The following PFDN1 variants were observed in gnomAD, a reference collection of about 807,000 sequenced individuals.
PFDN1 encodes prefoldin subunit 1.
PFDN1 carries 6 observed loss-of-function variants against 17.3 expected under a neutral mutation model. The observed-to-expected ratio is 0.35, with a 90% CI of 0.19 to 0.69. The LOEUF (loss-of-function observed/expected upper bound fraction) is 0.69. PFDN1 is among the 30% of genes least tolerant of loss of function. The pLI is 0.65. For missense variants in PFDN1, 113 were observed against 146.2 expected (o/e 0.77, Z 1.17); for synonymous variants, 58 against 50.1 (o/e 1.16, Z -0.67).
At chr5:140,294,583 C>A (rs1263604891) in intron 2 of PFDN1, among the ~76,000 whole-genome samples, 1 of 152,020 alleles carries the variant, frequency 6.6e-6, no homozygotes, top group Admixed American at 6.6e-5. Context: ...CTAAGAAATA[C>A]AATCACAACA....
At chr5:140,289,877 C>T (rs1300160362) in intron 2 of PFDN1, among the ~76,000 whole-genome samples, 1 of 152,178 alleles carries the variant, frequency 6.6e-6, no homozygotes, top group Non-Finnish European at 1.5e-5. Context: ...TAATTTATCA[C>T]TTTCTCTCAT....
intron 3 of PFDN1, among the ~76,000 whole-genome samples, chr5:140,247,176 C>G (rs1223871438): frequency 1.3e-5 from 2 of 152,070 alleles, no homozygotes; most frequent in Admixed American, 1.3e-4. Flanking sequence ...GGTCTCAGCT[C>G]AGAGTGCAAT....
chr5:140,253,102 A>C (rs1581081241), intron 3 of PFDN1, among the ~76,000 whole-genome samples: 1 of 152,246 alleles, frequency 6.6e-6, no homozygotes, highest in East Asian at 1.9e-4. Context: ...GAGAATAAAG[A>C]GAAATCTCGG....
At chr5:140,251,697 G>A (rs1764916420) in intron 3 of PFDN1, among the ~76,000 whole-genome samples, 1 of 152,108 alleles carries the variant, frequency 6.6e-6, no homozygotes, top group South Asian at 2.1e-4. Flanking sequence ...GTGGGCCCTT[G>A]CCGTGATGAC....
chr5:140,286,512 T>A (rs1353081888), intron 2 of PFDN1, among the ~76,000 whole-genome samples: 1 of 144,416 alleles, frequency 6.9e-6, no homozygotes. Flanking sequence ...TACACAAAGA[T>A]GAAATGGGAC....
intron 3 of PFDN1, among the ~76,000 whole-genome samples, chr5:140,263,977 C>A (rs994515557): frequency 2.3e-5 from 3 of 133,306 alleles, no homozygotes; most frequent in Admixed American, 8.1e-5. Context: ...GCCGAGATTG[C>A]GCCACTGCAC....
chr5:140,262,122 G>A (rs1765073995), intron 3 of PFDN1, among the ~76,000 whole-genome samples: 1 of 152,152 alleles, frequency 6.6e-6, no homozygotes, highest in African/African-American at 2.4e-5. Flanking sequence ...TTGCAAACAT[G>A]ACTCAAAGGG....
At chr5:140,282,774 T>C (rs935396507) in intron 2 of PFDN1, among the ~76,000 whole-genome samples, 1 of 152,216 alleles carries the variant, frequency 6.6e-6, no homozygotes, top group African/African-American at 2.4e-5. Flanking sequence ...ACTGAAATAT[T>C]TCCCCTCCAC....
intron 2 of PFDN1, among the ~76,000 whole-genome samples, chr5:140,282,778 C>T (rs1052562026): frequency 6.6e-6 from 1 of 152,190 alleles, no homozygotes; most frequent in Non-Finnish European, 1.5e-5. Flanking sequence ...AAATATTTCC[C>T]CTCCACTGGA....
At chr5:140,278,583 A>C (rs984232807) in intron 3 of PFDN1, among the ~76,000 whole-genome samples, 28 of 135,612 alleles carry the variant, frequency 2.1e-4, no homozygotes, top group South Asian at 2.6e-4. Flanking sequence ...AAAAAAAAAA[A>C]AAAACAAAAA....
At chr5:140,282,209 A>AG (rs1001240971) in intron 2 of PFDN1, among the ~76,000 whole-genome samples, 2 of 151,264 alleles carry the variant, frequency 1.3e-5, no homozygotes, top group African/African-American at 4.8e-5. Flanking sequence ...AAAAAAAAAA[A>AG]AAAGAAAAGA....
At position 140,300,438 on chromosome 5, in the gene PFDN1, T is replaced by C. The variant is rs1032366209; in HGVS notation, c.178A>G (p.Met60Val). Residue 60 changes from methionine (M) to valine (V), a missense_variant, in exon 2 of 4, where the codon ATG (methionine) becomes GTG (valine). Met to Val is a conservative substitution (Grantham distance 21, BLOSUM62 1). Coordinates refer to ENST00000261813, the MANE Select transcript of PFDN1 (RefSeq NM_002622.5). Reference protein sequence around the residue: ...EIMTLVDETNMYEGVGRMFIL... With the variant: ...EIMTLVDETNVYEGVGRMFIL... ...TACATTCTTCCTACACCTTCATACA[T>C]GTTAGTCTCATCTACCAAAGTCATG... 2.5e-6 allele frequency: 4 copies of C among 1,609,014 alleles called. No homozygotes were observed. Among genetic ancestry groups the C allele is most frequent in the Non-Finnish European group, 3.4e-6 (4 of 1,175,852 alleles).
At chr5:140,257,216 T>TC (rs1200561548) in intron 3 of PFDN1, among the ~76,000 whole-genome samples, 3 of 114,810 alleles carry the variant, frequency 2.6e-5, no homozygotes, top group Non-Finnish European at 5.4e-5. Context: ...AGAGCAAAAC[T>TC]CCATCTCAAA....
chr5:140,258,260 C>T (rs1324121337), intron 3 of PFDN1, among the ~76,000 whole-genome samples: 2 of 152,094 alleles, frequency 1.3e-5, no homozygotes, highest in South Asian at 2.1e-4. Context: ...TTCCCAAAAA[C>T]GTCCTATGAG....
chr5:140,271,295 GA>G (rs528944496), intron 3 of PFDN1, among the ~76,000 whole-genome samples: 37 of 152,102 alleles, frequency 2.4e-4, no homozygotes, highest in African/African-American at 8.0e-4. Flanking sequence ...CTAAATAACC[GA>G]AAACTATTTT....
intron 3 of PFDN1, chr5:140,265,629 GT>G (rs1431378931): frequency 3.9e-5 from 6 of 152,024 alleles, no homozygotes; most frequent in Non-Finnish European, 7.4e-5. Flanking sequence ...AAAAAATTTA[GT>G]TTCAAAACTT....
At chr5:140,302,761 AC>A (rs1433161502) in intron 1 of PFDN1, among the ~76,000 whole-genome samples, 1 of 152,020 alleles carries the variant, frequency 6.6e-6, no homozygotes, top group Non-Finnish European at 1.5e-5. Context: ...AAGCCTCCAA[AC>A]GCAACGAAAT....
intron 2 of PFDN1, among the ~76,000 whole-genome samples, chr5:140,285,441 G>A (rs1581095267): frequency 6.6e-6 from 1 of 151,542 alleles, no homozygotes; most frequent in Non-Finnish European, 1.5e-5. Flanking sequence ...AATTTTTAGC[G>A]TGGAAGCAAG....
At chr5:140,275,778 T>A (rs1440019695) in intron 3 of PFDN1, among the ~76,000 whole-genome samples, 1 of 151,102 alleles carries the variant, frequency 6.6e-6, no homozygotes, top group African/African-American at 2.4e-5. Flanking sequence ...AAAAGGTTTG[T>A]CCCTCCTGCC....
Sources: gnomAD v4.1 joint callset for allele counts (sites outside exome capture counted in the v4.1 genomes callset) on GRCh38, gnomAD v4.1.1 for gene constraint, MANE v1.5 for transcripts, NCBI Gene and HGNC (gene_info 2026-07-23, HGNC 2026-07-21) for gene names.